Variants in ZNF131 observed in about 807,000 individuals in gnomAD.
ZNF131 encodes the protein zinc finger and BTB domain containing 35.
Under a neutral mutation model 60.0 loss-of-function variants are expected in ZNF131, and 7 were observed. The ratio of observed to expected loss-of-function variants is 0.12; its 90% CI spans 0.07 to 0.22. The LOEUF (loss-of-function observed/expected upper bound fraction) is 0.22. ZNF131 is among the 10% of genes least tolerant of loss of function. The probability of loss-of-function intolerance (pLI) is 1.00; values close to 1 mark genes in which losing one functional copy is unlikely to be tolerated. For synonymous variants in ZNF131, 257 were observed against 253.2 expected (o/e 1.01, Z -0.14); for missense variants, 493 against 740.9 (o/e 0.67, Z 3.88).
At chr5:43,133,423 G>A (rs1049805130) in intron 3 of ZNF131, among the ~76,000 whole-genome samples, 4 of 152,112 alleles carry the variant, frequency 2.6e-5, no homozygotes, top group African/African-American at 7.2e-5. Context: ...TCGAGATCAC[G>A]CCATTTCACT....
chr5:43,136,074 A>G (rs1229576175), intron 3 of ZNF131, among the ~76,000 whole-genome samples: 1 of 152,134 alleles, frequency 6.6e-6, no homozygotes, highest in Non-Finnish European at 1.5e-5. Flanking sequence ...GAGCCTCTGT[A>G]CTCCAGCTCG....
chr5:43,157,116 T>C (rs1002291021), intron 4 of ZNF131, among the ~76,000 whole-genome samples: 4 of 152,146 alleles, frequency 2.6e-5, no homozygotes, highest in South Asian at 2.1e-4. Context: ...TAGGAGTTTG[T>C]CTCAAAGACA....
At chr5:43,145,041 A>G (rs994123420) in intron 4 of ZNF131, among the ~76,000 whole-genome samples, 9 of 151,938 alleles carry the variant, frequency 5.9e-5, no homozygotes, top group East Asian at 1.9e-4. Flanking sequence ...ACATTTTTCT[A>G]ATAGTCTCCA....
Position 43,148,365 on chromosome 5 carries a change from C to T in ZNF131, c.371+9056C>T, listed in dbSNP as rs554110457. 9.2e-5 allele frequency among the ~76,000 whole-genome samples: 14 copies of T among 152,226 alleles called. No individual in the cohort carries two copies. The South Asian group carries it at 1.2e-3, about 14-fold the overall frequency. ...CTGCACTCCAGCCTGTGCAACAGAA[C>T]GAGACCCTGTCTCAAAATAAAAAGT... On this transcript the variant is annotated intron_variant, in intron 4 of 6. Transcript: ENST00000682664.
chr5:43,167,521 TA>T (rs145816182), intron 5 of ZNF131, among the ~76,000 whole-genome samples: 1,743 of 152,300 alleles, frequency 0.011, 22 homozygotes, highest in Middle Eastern at 0.031. Flanking sequence ...ATTAGTTTCA[TA>T]TTTTGCATAT....
rs1486833654 is a variant in ZNF131, at chr5:43,123,258, C to T, written c.174C>T (p.Phe58=). 5.6e-6 allele frequency: 9 copies of T among 1,612,020 alleles called. No individual in the cohort carries two copies. Among genetic ancestry groups the T allele is most frequent in the Middle Eastern group, 3.3e-4 (2 of 6,050 alleles). The change falls in exon 3 of 7, where the codon TTC becomes TTT. Residue 58 remains phenylalanine (F), a synonymous_variant. Coordinates refer to ENST00000682664, the MANE Select transcript of ZNF131 (RefSeq NM_001330707.2). The stretch of plus-strand genomic sequence containing the variant: ...CTGTTTTGGCTGCTTGTAGTAAGTT[C>T]TTCTACAAATTCTTTCAGGAGTTTA... ...HKAVLAACSK[F]FYKFFQEFTQ...
At position 43,176,113 on chromosome 5, in the gene ZNF131, A is replaced by C. The variant is rs1366587855; in HGVS notation, c.*980A>C. 2 of 152,254 alleles carry C rather than the reference A, an allele frequency of 1.3e-5. No individual in the cohort carries two copies. The highest frequency in any genetic ancestry group is 2.9e-5 in the Non-Finnish European group (2 of 68,056). 9.4% of individuals were successfully genotyped at this position (152,254 alleles called of 1,614,324 possible). Reference sequence around the variant, plus strand: ...TGTTTTGAATGGAATCTTTTCCCCCAATTCTTAATGTAAAGATCTTGTGCT... The same window carrying C: ...TGTTTTGAATGGAATCTTTTCCCCCCATTCTTAATGTAAAGATCTTGTGCT... On this transcript the variant is annotated 3_prime_UTR_variant, in exon 7 of 7. Transcript: ENST00000682664.
chr5:43,121,931 C>A, intron 1 of ZNF131, 108 bp from the exon 2 acceptor site: 1 of 1,217,450 alleles, frequency 8.2e-7, no homozygotes, highest in South Asian at 1.6e-5. Flanking sequence ...TTCACCCTCC[C>A]CCCTTCTTTT....
At chr5:43,169,585 G>A (rs13153860) in intron 5 of ZNF131, among the ~76,000 whole-genome samples, 14,724 of 152,190 alleles carry the variant, frequency 0.097, 852 homozygotes, top group East Asian at 0.19. Context: ...GAACATTTAT[G>A]AGTATTTAAA....
At chr5:43,121,918 T>C in intron 1 of ZNF131, 121 bp from the exon 2 acceptor site, 1 of 1,130,872 alleles carries the variant, frequency 8.8e-7, no homozygotes. Context: ...TCTCTCCTCT[T>C]GCTTCACCCT....
chr5:43,150,425 A>C lies in ZNF131; in HGVS notation c.372-10824A>C, dbSNP rs182173318. Among the ~76,000 whole-genome samples, 6 of 152,278 alleles carry C rather than the reference A, an allele frequency of 3.9e-5. No homozygotes were observed. In the East Asian group the frequency reaches 1.2e-3, roughly 29 times the overall value. On this transcript the variant is annotated intron_variant, in intron 4 of 6. Coordinates refer to ENST00000682664, the MANE Select transcript of ZNF131 (RefSeq NM_001330707.2). ...TGTTCCATATCCTTGTTTCTGTATT[A>C]TCCTGGCTGGTACTGAATTTTCCCC...
At chr5:43,121,626 G>C (rs867959215) in intron 1 of ZNF131, 2 of 154,318 alleles carry the variant, frequency 1.3e-5, no homozygotes, top group African/African-American at 4.8e-5. Flanking sequence ...AGGGAGAGGC[G>C]ACCCGAGAGT....
Position 43,130,264 on chromosome 5 carries a change from C to CAAAAAAAAAAAAAAAAAAA in ZNF131, c.226+6972_226+6973insAAAAAAAAAAAAAAAAAAA, listed in dbSNP as rs570313526. ...GAGCGATAGAGTAAGACTCTGTCTC[C>CAAAAAAAAAAAAAAAAAAA]AAAAAAAAAAAAAAAAAAGAGGAAA... On this transcript the variant is annotated intron_variant, in intron 3 of 6. Transcript: ENST00000682664. 1.8e-4 allele frequency among the ~76,000 whole-genome samples: 12 copies of CAAAAAAAAAAAAAAAAAAA among 68,388 alleles called. 1 individual carries two copies. Among genetic ancestry groups the CAAAAAAAAAAAAAAAAAAA allele is most frequent in the Non-Finnish European group, 2.7e-4 (10 of 37,518 alleles). The allele number at this position is 68,388 out of a possible 152,430, so 44.9% of individuals were successfully genotyped here. A position where few individuals can be genotyped will look rare whatever the true frequency, so the allele number is the denominator to read the frequency against.
intron 3 of ZNF131, among the ~76,000 whole-genome samples, chr5:43,136,447 TGAAAAA>T (rs1195562524): frequency 1.4e-5 from 2 of 146,864 alleles, no homozygotes; most frequent in African/African-American, 2.5e-5. Context: ...AAATCAATCT[TGAAAAA>T]GAACAAAGCT....
chr5:43,171,487 A>G (rs765885750), intron 5 of ZNF131, among the ~76,000 whole-genome samples: 2 of 152,128 alleles, frequency 1.3e-5, no homozygotes, highest in Non-Finnish European at 2.9e-5. Context: ...AGTCTCACTA[A>G]CATGGTGAAA....
At chr5:43,143,798 A>C (rs550480102) in intron 4 of ZNF131, among the ~76,000 whole-genome samples, 10 of 150,678 alleles carry the variant, frequency 6.6e-5, no homozygotes, top group Non-Finnish European at 1.5e-4. Flanking sequence ...ACAGAACCTC[A>C]AGGTCAGATA....
intron 4 of ZNF131, 85 bp from the exon 5 acceptor site, chr5:43,161,164 T>A: frequency 8.0e-7 from 1 of 1,246,726 alleles, no homozygotes. Flanking sequence ...TTATATAAAT[T>A]TTATTGCCAC....
intron 3 of ZNF131, among the ~76,000 whole-genome samples, chr5:43,132,337 G>A (rs1179525228): frequency 6.6e-6 from 1 of 152,086 alleles, no homozygotes; most frequent in East Asian, 1.9e-4. Flanking sequence ...TTGGTAGAGT[G>A]TAACTTGGTC....
chr5:43,128,861 T>C (rs937326219), intron 3 of ZNF131, among the ~76,000 whole-genome samples: 5 of 151,992 alleles, frequency 3.3e-5, no homozygotes, highest in African/African-American at 7.2e-5. Context: ...AGCAGTCCTC[T>C]CACCTCAGCC....
Sources: allele counts gnomAD v4.1 joint callset (sites outside exome capture counted in the v4.1 genomes callset), GRCh38; gene constraint gnomAD v4.1.1; transcripts MANE v1.5; gene names NCBI Gene and HGNC (gene_info 2026-07-23, HGNC 2026-07-21).